SORL1: variants seen among roughly 807,000 people sequenced by gnomAD.
The protein encoded by SORL1 is sortilin-related receptor.
In SORL1, 127 loss-of-function variants were observed where a neutral mutation model predicts 273.7. The ratio of observed to expected loss-of-function variants is 0.46; its 90% CI spans 0.40 to 0.54. The LOEUF (loss-of-function observed/expected upper bound fraction) is 0.54. Among genes scored for constraint, SORL1 ranks in the 20% least tolerant of loss-of-function variants. The pLI is 0.00. For missense variants in SORL1, 2,494 were observed against 2,846.1 expected (o/e 0.88, Z 2.81); for synonymous variants, 1,031 against 1,067.4 (o/e 0.97, Z 0.66).
In SORL1 at chr11:121,577,330, C is replaced by T. The variant is rs762162331; in HGVS notation, c.3510C>T (p.Cys1170=). The change falls in exon 25 of 48, where the codon TGC becomes TGT. Residue 1170 remains cysteine (C), a synonymous_variant. Coordinates refer to ENST00000260197, the MANE Select transcript of SORL1 (RefSeq NM_003105.6). ...SDEYNCSSGM[C]IRSSWVCDGD... is the part of the protein sequence containing the mutation. ...AGTACAACTGCAGTTCCGGCATGTGCATCCGCTCCTCCTGGGTATGTGACG... is the reference window on the plus strand; with the variant it reads ...AGTACAACTGCAGTTCCGGCATGTGTATCCGCTCCTCCTGGGTATGTGACG... 3 of 1,613,538 alleles carry T rather than the reference C, an allele frequency of 1.9e-6. No homozygotes were observed. Among genetic ancestry groups the T allele is most frequent in the Non-Finnish European group, 2.5e-6 (3 of 1,179,684 alleles).
At position 121,570,315 on chromosome 11, in the gene SORL1, A is replaced by G. The variant is rs1158802839; in HGVS notation, c.3337+45A>G. ...CGTTAAGCACTTACCATTACTCAGA[A>G]GCCTGGTTGGCTCTTCCCAGGCTGA... On this transcript the variant is annotated intron_variant, in intron 23 of 47. Coordinates refer to ENST00000260197, the MANE Select transcript of SORL1 (RefSeq NM_003105.6). The G allele has an allele frequency of 2.0e-6, 3 of 1,479,472 alleles. No individual in the cohort carries two copies. In the Admixed American group the frequency reaches 5.0e-5, roughly 25 times the overall value. 91.6% of individuals were successfully genotyped at this position (1,479,472 alleles called of 1,614,324 possible).
At position 121,532,561 on chromosome 11, in the gene SORL1, C is replaced by G. The variant is rs1390178990; in HGVS notation, c.1685+9C>G. 5 of 1,610,500 alleles carry G rather than the reference C, an allele frequency of 3.1e-6. No individual in the cohort carries two copies. In the Admixed American group the frequency reaches 8.3e-5, roughly 27 times the overall value. Reference sequence around the variant, plus strand: ...GAAACCAACGAGCTAAAGTAAGTGTCTCTGATGAGGCCTTTTAACATCAAA... The same window carrying G: ...GAAACCAACGAGCTAAAGTAAGTGTGTCTGATGAGGCCTTTTAACATCAAA... On this transcript the variant is annotated intron_variant, in intron 12 of 47. Coordinates refer to ENST00000260197, the MANE Select transcript of SORL1 (RefSeq NM_003105.6).
In SORL1 at chr11:121,621,110, G is replaced by A. The variant is rs139309981; in HGVS notation, c.5936G>A (p.Ser1979Asn). 3.0e-4 allele frequency: 482 copies of A among 1,613,608 alleles called. 2 individuals carry two copies. In the African/African-American group the frequency reaches 5.6e-3, roughly 19 times the overall value. ...GATCTCATAAGAAAGACTGACAGGA[G>A]CTACAAAGTAAAATCCCGTAACAGC... is the stretch of plus-strand genomic sequence containing the variant. Reference protein sequence around the residue: ...VKDLIRKTDRSYKVKSRNSTV... With the variant: ...VKDLIRKTDRNYKVKSRNSTV... Residue 1979 changes from serine to asparagine, a missense_variant, in exon 44 of 48, where the codon AGC (serine) becomes AAC (asparagine). Physicochemically the swap from Ser to Asn is conservative, Grantham distance 46. Transcript: ENST00000260197.
chr11:121,577,519 C>A (rs917099648), intron 25 of SORL1, 119 bp downstream of exon 25: 8 of 1,127,268 alleles, frequency 7.1e-6, no homozygotes, highest in Non-Finnish European at 9.6e-6. Flanking sequence ...TAGAAATCAG[C>A]GAGTTTCATG....
rs79037187 is a variant in SORL1 at position 121,619,834 on chromosome 11, C to T, written c.5806C>T (p.Arg1936Cys). 7.4e-6 allele frequency: 12 copies of T among 1,613,764 alleles called. No homozygotes were observed. Among genetic ancestry groups the T allele is most frequent in the South Asian group, 2.2e-5 (2 of 91,074 alleles). Residue 1936 changes from arginine (R) to cysteine (C), a missense_variant, in exon 43 of 48, where the codon CGT (arginine) becomes TGT (cysteine). Around this residue, in one of 3 missense-constraint regions of SORL1, gnomAD observed 1,609 missense variants for 1,816.4 expected, o/e 0.89. Coordinates refer to ENST00000260197, the MANE Select transcript of SORL1 (RefSeq NM_003105.6). ...GATCCCGGACAGCAGGCTTCCACCC[C>T]GTCACCTGCATGTGGTTCATACGGG... ...KMIPDSRLPP[R>C]HLHVVHTGKT... is the part of the protein sequence containing the mutation.
chr11:121,558,929 C>G (rs1862633304), intron 20 of SORL1, 92 bp downstream of exon 20: 2 of 1,489,424 alleles, frequency 1.3e-6, no homozygotes, highest in Non-Finnish European at 1.8e-6. Context: ...TGCAGAGAAG[C>G]TGTTTAACTT....
rs182950567 is a variant in SORL1, at chr11:121,546,600, T to C, written c.2051+1171T>C. Among the ~76,000 whole-genome samples, 456 of 152,324 alleles carry C rather than the reference T, an allele frequency of 3.0e-3. 1 individual carries two copies. The highest frequency in any genetic ancestry group is 4.9e-3 in the Non-Finnish European group (335 of 68,030). ...TGTCTTGACTAAAGCCAGAAACCTC[T>C]GATGTATTCTAGACCAGAGGTTGGA... On this transcript the variant is annotated intron_variant, in intron 14 of 47. Transcript: ENST00000260197.
Position 121,618,761 on chromosome 11 carries a change from C to G in SORL1, c.5605-13C>G. The G allele has an allele frequency of 6.2e-7, 1 of 1,614,058 alleles. No individual in the cohort carries two copies. The highest frequency in any genetic ancestry group is 8.5e-7 in the Non-Finnish European group (1 of 1,179,942). On this transcript the variant is annotated splice_polypyrimidine_tract_variant and intron_variant, in intron 41 of 47. Transcript: ENST00000260197. ...ATGAGCTGATGTCCTCTTCCATTCT[C>G]TGCTTTTACCAGGTTTATGGTATTT...
chr11:121,546,705 C>G (rs1591321044), intron 14 of SORL1, among the ~76,000 whole-genome samples: 2 of 152,188 alleles, frequency 1.3e-5, no homozygotes, highest in East Asian at 1.9e-4. Flanking sequence ...TCACTTTGCC[C>G]ATGGCAGTGC....
At chr11:121,488,407 C>T (rs1461540635) in intron 4 of SORL1, among the ~76,000 whole-genome samples, 2 of 152,156 alleles carry the variant, frequency 1.3e-5, no homozygotes, top group Non-Finnish European at 2.9e-5. Flanking sequence ...CATCAGCACC[C>T]AGCACTTGGC....
At chr11:121,487,451 C>T (rs1047116870) in intron 3 of SORL1, among the ~76,000 whole-genome samples, 1 of 152,224 alleles carries the variant, frequency 6.6e-6, no homozygotes, top group African/African-American at 2.4e-5. Context: ...TGCTCTGCCC[C>T]AGAGTGAGCC....
intron 41 of SORL1, among the ~76,000 whole-genome samples, chr11:121,615,923 C>T (rs1022451696): frequency 1.3e-5 from 2 of 152,098 alleles, no homozygotes; most frequent in Non-Finnish European, 2.9e-5. Context: ...CTCAGTGAGG[C>T]GAAGTAACTT....
chr11:121,606,936 T>C lies in SORL1; in HGVS notation c.5040T>C (p.His1680=), dbSNP rs1004609554. 2.5e-6 allele frequency: 4 copies of C among 1,613,354 alleles called. No individual in the cohort carries two copies. Among genetic ancestry groups the C allele is most frequent in the Non-Finnish European group, 3.4e-6 (4 of 1,179,266 alleles). The part of the protein sequence containing the change: ...VGHWAPPIHT[H]GLIREYIVEY... ...ACTGGGCTCCTCCCATCCACACCCA[T>C]GGCCTCATCCGTGAGTACATTGTAA... Residue 1680 remains histidine, a synonymous_variant, in exon 36 of 48, where the codon CAT becomes CAC. Transcript: ENST00000260197.
At chr11:121,562,815 C>A (rs1862698692) in intron 21 of SORL1, among the ~76,000 whole-genome samples, 2 of 152,144 alleles carry the variant, frequency 1.3e-5, no homozygotes, top group Non-Finnish European at 2.9e-5. Context: ...TAAGAACGAA[C>A]CTTCTATCTC....
intron 12 of SORL1, among the ~76,000 whole-genome samples, chr11:121,533,556 C>T (rs1265653301): frequency 1.3e-5 from 2 of 152,198 alleles, no homozygotes; most frequent in African/African-American, 4.8e-5. Context: ...CTGGACCACA[C>T]TTCTCCCTGT....
In SORL1 at chr11:121,522,753, G is replaced by T. The variant is rs4578398; in HGVS notation, c.1522+50G>T. ...AAGGGGTTCAGCTGTCTGGTGATGT[G>T]CAGGCCAAATGCAGAGCGATCACCC... On this transcript the variant is annotated intron_variant, in intron 10 of 47. Coordinates refer to ENST00000260197, the MANE Select transcript of SORL1 (RefSeq NM_003105.6). 8.0e-3 allele frequency: 11,958 copies of T among 1,490,766 alleles called. 74 individuals carry two copies. Among genetic ancestry groups the T allele is most frequent in the Non-Finnish European group, 9.2e-3 (9,841 of 1,067,466 alleles). 92.3% of individuals were successfully genotyped at this position (1,490,766 alleles called of 1,614,324 possible). A position where few individuals can be genotyped will look rare whatever the true frequency, so the allele number is the denominator to read the frequency against.
intron 4 of SORL1, 90 bp from the exon 5 acceptor site, chr11:121,489,953 G>GT: frequency 1.1e-6 from 1 of 933,294 alleles, no homozygotes; most frequent in Non-Finnish European, 1.8e-6. Flanking sequence ...AGCGTGTCAT[G>GT]GAAGGTGGGA....
intron 6 of SORL1, among the ~76,000 whole-genome samples, chr11:121,504,327 T>C (rs1246933644): frequency 6.6e-6 from 1 of 151,990 alleles, no homozygotes; most frequent in Non-Finnish European, 1.5e-5. Flanking sequence ...CCGAAGAATC[T>C]CTTGAACCTG....
At chr11:121,474,344 G>A (rs546112732) in intron 2 of SORL1, among the ~76,000 whole-genome samples, 16 of 152,182 alleles carry the variant, frequency 1.1e-4, no homozygotes, top group Admixed American at 2.6e-4. Flanking sequence ...GGTAGGGGGC[G>A]GAGAGGGGGC....
Sources: gnomAD v4.1 joint callset for allele counts (sites outside exome capture counted in the v4.1 genomes callset) on GRCh38, gnomAD v4.1.1 for gene constraint, gnomAD v4.1.1 regional missense constraint, MANE v1.5 for transcripts, NCBI Gene and HGNC (gene_info 2026-07-23, HGNC 2026-07-21) for gene names.